The following ANKS1B variants were observed in gnomAD, a reference collection of about 807,000 sequenced individuals.
ANKS1B encodes the protein ankyrin repeat and sterile alpha motif domain containing 1B.
A neutral mutation model predicts 148.3 loss-of-function variants in ANKS1B; 36 were observed. That is an observed-to-expected ratio of 0.24 (90% CI 0.19 to 0.32). The LOEUF is 0.32. ANKS1B is among the 10% of genes least tolerant of loss of function. ANKS1B has a pLI of 1.00. For synonymous variants in ANKS1B, 542 were observed against 560.8 expected, an observed-to-expected ratio of 0.97 and a Z score of 0.47; for missense variants, 1,157 against 1,542.6, an observed-to-expected ratio of 0.75 and a Z score of 4.19.
intron 15 of ANKS1B, among the ~76,000 whole-genome samples, chr12:99,112,811 T>C (rs960956688): frequency 6.6e-6 from 1 of 152,208 alleles, no homozygotes; most frequent in African/African-American, 2.4e-5. Flanking sequence ...CATGTGCTCT[T>C]TCCATGTCGT....
chr12:99,271,264 A>G (rs2077006913), intron 12 of ANKS1B, among the ~76,000 whole-genome samples: 1 of 152,058 alleles, frequency 6.6e-6, no homozygotes, highest in Admixed American at 6.6e-5. Flanking sequence ...TCACATGGTT[A>G]GCTCTTCTCA....
intron 15 of ANKS1B, among the ~76,000 whole-genome samples, chr12:99,152,217 A>G (rs968416565): frequency 6.6e-6 from 1 of 152,204 alleles, no homozygotes; most frequent in Non-Finnish European, 1.5e-5. Context: ...GTATAACAGC[A>G]TGTAAAGCAC....
chr12:99,058,318 A>G (rs986251675), intron 16 of ANKS1B, among the ~76,000 whole-genome samples: 1 of 146,480 alleles, frequency 6.8e-6, no homozygotes, highest in Non-Finnish European at 1.5e-5. Context: ...ATCTTGGCTC[A>G]CTGCAGCCTC....
intron 15 of ANKS1B, among the ~76,000 whole-genome samples, chr12:99,108,435 C>T (rs918334320): frequency 6.6e-6 from 1 of 152,158 alleles, no homozygotes; most frequent in African/African-American, 2.4e-5. Context: ...TGAATGAAAG[C>T]ATGAATGGAT....
chr12:99,433,312 G>A (rs977539182), intron 11 of ANKS1B, among the ~76,000 whole-genome samples: 4 of 152,032 alleles, frequency 2.6e-5, no homozygotes, highest in Non-Finnish European at 4.4e-5. Flanking sequence ...ACACAAGTGC[G>A]CATTCCATTA....
At chr12:99,445,870 C>G (rs2095629214) in intron 10 of ANKS1B, among the ~76,000 whole-genome samples, 1 of 151,808 alleles carries the variant, frequency 6.6e-6, no homozygotes, top group African/African-American at 2.4e-5. Flanking sequence ...TACAGGTGCA[C>G]ATTACCACAT....
chr12:99,224,911 A>G (rs2153942614), intron 14 of ANKS1B, among the ~76,000 whole-genome samples: 1 of 152,320 alleles, frequency 6.6e-6, no homozygotes, highest in South Asian at 2.1e-4. Context: ...AATTTAGGTC[A>G]TGCGTGTAAT....
chr12:99,486,466 A>G (rs1391451042), intron 10 of ANKS1B, among the ~76,000 whole-genome samples: 1 of 146,358 alleles, frequency 6.8e-6, no homozygotes, highest in Non-Finnish European at 1.5e-5. Flanking sequence ...TTATTTATTT[A>G]TTTATTTATT....
intron 9 of ANKS1B, among the ~76,000 whole-genome samples, chr12:99,538,214 T>G (rs1213839637): frequency 6.6e-6 from 1 of 152,180 alleles, no homozygotes; most frequent in Non-Finnish European, 1.5e-5. Context: ...TTGTTCTTTT[T>G]GCTTAGGATA....
intron 23 of ANKS1B, 133 bp downstream of exon 23, chr12:98,781,993 A>C: frequency 1.3e-6 from 1 of 752,996 alleles, no homozygotes; most frequent in East Asian, 2.7e-5. Context: ...ATCTGCAAAA[A>C]GTTTCTCTAT....
intron 1 of ANKS1B, among the ~76,000 whole-genome samples, chr12:99,886,158 G>A (rs143938197): frequency 1.9e-3 from 290 of 152,210 alleles, no homozygotes; most frequent in African/African-American, 5.6e-3. Flanking sequence ...CCACATTCAC[G>A]CCAACATCTT....
At chr12:98,785,464 C>T (rs1014011682) in intron 22 of ANKS1B, among the ~76,000 whole-genome samples, 2 of 151,198 alleles carry the variant, frequency 1.3e-5, no homozygotes, top group African/African-American at 2.4e-5. Context: ...AGTGAGACTC[C>T]GTCTCAAAAA....
intron 1 of ANKS1B, among the ~76,000 whole-genome samples, chr12:99,954,800 G>A (rs1001912597): frequency 2.6e-5 from 4 of 151,634 alleles, no homozygotes; most frequent in Non-Finnish European, 4.4e-5. Flanking sequence ...ACCCCACCCC[G>A]TCCCCAACAA....
At chr12:99,135,927 G>A (rs2067889807) in intron 15 of ANKS1B, among the ~76,000 whole-genome samples, 1 of 152,158 alleles carries the variant, frequency 6.6e-6, no homozygotes, top group Non-Finnish European at 1.5e-5. Flanking sequence ...GGCAGTCTCA[G>A]AGAACAGCCC....
chr12:99,662,578 A>G (rs2098483021), intron 8 of ANKS1B, among the ~76,000 whole-genome samples: 1 of 152,230 alleles, frequency 6.6e-6, no homozygotes, highest in Non-Finnish European at 1.5e-5. Flanking sequence ...AGAGGAACCA[A>G]TGTAACTATA....
chr12:99,783,862 T>C (rs1337900886), intron 4 of ANKS1B, among the ~76,000 whole-genome samples: 1 of 152,164 alleles, frequency 6.6e-6, no homozygotes, highest in African/African-American at 2.4e-5. Flanking sequence ...TTTCAAATAC[T>C]GGAAGAGAGG....
intron 9 of ANKS1B, among the ~76,000 whole-genome samples, chr12:99,508,979 T>C (rs917930072): frequency 6.6e-6 from 1 of 151,928 alleles, no homozygotes; most frequent in African/African-American, 2.4e-5. Flanking sequence ...TTTTGGTAAT[T>C]CTCCTAATAT....
chr12:98,946,163 A>T (rs2099845236), intron 17 of ANKS1B, among the ~76,000 whole-genome samples: 1 of 152,208 alleles, frequency 6.6e-6, no homozygotes, highest in Non-Finnish European at 1.5e-5. Context: ...TGGGGCTTCT[A>T]GGTAAAGCGT....
chr12:99,272,396 G>A (rs1198692933), intron 12 of ANKS1B, among the ~76,000 whole-genome samples: 2 of 152,148 alleles, frequency 1.3e-5, no homozygotes, highest in Admixed American at 1.3e-4. Context: ...GAAGTAGGAA[G>A]CACCAGAAAT....
Sources: allele counts gnomAD v4.1 joint callset (sites outside exome capture counted in the v4.1 genomes callset), GRCh38; gene constraint gnomAD v4.1.1; transcripts MANE v1.5; gene names NCBI Gene and HGNC (gene_info 2026-07-23, HGNC 2026-07-21).